The following STARD9 variants were observed in gnomAD, a reference collection of about 807,000 sequenced individuals.
The protein encoded by STARD9 is stAR-related lipid transfer protein 9.
STARD9 carries 346 observed loss-of-function variants against 399.8 expected under a neutral mutation model. The ratio of observed to expected loss-of-function variants is 0.87; its 90% CI spans 0.79 to 0.95. The LOEUF is 0.95. Among genes scored for constraint, STARD9 ranks in the 40% least tolerant of loss-of-function variants. The pLI, the probability that STARD9 is intolerant of heterozygous loss-of-function variation, is 0.00. For synonymous variants in STARD9, 2,203 were observed against 2,143.5 expected, an observed-to-expected ratio of 1.03 and a Z score of -0.77; for missense variants, 5,832 against 5,667.5, an observed-to-expected ratio of 1.03 and a Z score of -0.93.
intron 7 of STARD9, among the ~76,000 whole-genome samples, chr15:42,646,015 G>A (rs927386920): frequency 1.3e-5 from 2 of 152,030 alleles, no homozygotes; most frequent in East Asian, 3.9e-4. Flanking sequence ...ACAAAAATTA[G>A]CCAGACGTGG....
At chr15:42,650,109 C>T (rs868334283) in intron 7 of STARD9, among the ~76,000 whole-genome samples, 3 of 151,874 alleles carry the variant, frequency 2.0e-5, no homozygotes, top group Admixed American at 6.6e-5. Flanking sequence ...CAGGCCCGCC[C>T]GCCTCGGCCT....
At chr15:42,708,243 A>G (rs545271737) in intron 26 of STARD9, among the ~76,000 whole-genome samples, 2 of 152,256 alleles carry the variant, frequency 1.3e-5, no homozygotes, top group African/African-American at 4.8e-5. Context: ...GTAGGGGATT[A>G]GTTATTTGAA....
rs1380280537 is a variant in STARD9, at chr15:42,720,170, C to G, written c.*596C>G. 1 of 152,308 alleles carries G rather than the reference C, an allele frequency of 6.6e-6. No individual in the cohort carries two copies. Among genetic ancestry groups the G allele is most frequent in the African/African-American group, 2.4e-5 (1 of 41,450 alleles). 9.4% of individuals were successfully genotyped at this position (152,308 alleles called of 1,614,324 possible). The stretch of plus-strand genomic sequence containing the variant: ...TATTATTGATTTTTGCTTTTTTTCT[C>G]CCTTTCCCTCCCAGGAGAAGACATT... On this transcript the variant is annotated 3_prime_UTR_variant, in exon 33 of 33. Coordinates refer to ENST00000290607, the MANE Select transcript of STARD9 (RefSeq NM_020759.3).
At position 42,694,169 on chromosome 15, in the gene STARD9, C is replaced by A. The variant is rs568079907; in HGVS notation, c.12591C>A (p.Ile4197=). The part of the protein sequence containing the change: ...QDSEWSKREQ[I]PLQVGAQNLS... Reference sequence around the variant, plus strand: ...CTGAGTGGTCCAAGAGGGAGCAGATCCCCCTGCAAGTTGGGGCCCAGAACC... The same window carrying A: ...CTGAGTGGTCCAAGAGGGAGCAGATACCCCTGCAAGTTGGGGCCCAGAACC... The change falls in exon 23 of 33, where the codon ATC becomes ATA. Residue 4197 remains isoleucine (I), a synonymous_variant. Transcript: ENST00000290607. The A allele has an allele frequency of 5.1e-5, 79 of 1,534,596 alleles. No individual in the cohort carries two copies. The highest frequency in any genetic ancestry group is 9.6e-5 in the African/African-American group (7 of 72,952).
chr15:42,583,361 G>A lies in STARD9; in HGVS notation c.63G>A (p.Gly21=). 6.5e-7 allele frequency: 1 copy of A among 1,536,964 alleles called. No individual in the cohort carries two copies. The highest frequency in any genetic ancestry group is 8.7e-7 in the Non-Finnish European group (1 of 1,146,618). Residue 21 remains glycine, a synonymous_variant, in exon 2 of 33, where the codon GGG becomes GGA. Transcript: ENST00000290607. ...RPLSKRETKE[G]GRIIVEVDGK... is the part of the protein sequence containing the mutation. ...TTGTTTCTAGGGAGACCAAAGAAGG[G>A]GGAAGAATTATTGTGGAAGTTGATG... is the stretch of plus-strand genomic sequence containing the variant.
chr15:42,700,261 T>G (rs1207447783), intron 26 of STARD9, among the ~76,000 whole-genome samples: 1 of 151,768 alleles, frequency 6.6e-6, no homozygotes, highest in Non-Finnish European at 1.5e-5. Context: ...GATATCTCTT[T>G]GACATACTGA....
intron 7 of STARD9, among the ~76,000 whole-genome samples, chr15:42,648,118 G>A (rs1376907217): frequency 6.6e-6 from 1 of 152,012 alleles, no homozygotes; most frequent in Non-Finnish European, 1.5e-5. Context: ...GAATAATCTT[G>A]TTTTCCCTCT....
rs2060595109 is a variant in STARD9 at position 42,687,682 on chromosome 15, A to G, written c.6104A>G (p.Lys2035Arg). Residue 2035 changes from lysine to arginine, a missense_variant, in exon 23 of 33, where the codon AAG (lysine) becomes AGG (arginine). Coordinates refer to ENST00000290607, the MANE Select transcript of STARD9 (RefSeq NM_020759.3). ...AATCCCAACAGAGAACCTTCTGGAA[A>G]GAAACAGAATAAAAGAGTTAATAAT... is the stretch of plus-strand genomic sequence containing the variant. ...MLNPNREPSG[K>R]KQNKRVNNTD... 1 of 1,537,228 alleles carries G rather than the reference A, an allele frequency of 6.5e-7. No homozygotes were observed.
Position 42,687,282 on chromosome 15 carries a change from A to G in STARD9, c.5704A>G (p.Thr1902Ala), listed in dbSNP as rs1393037136. 4.6e-6 allele frequency: 7 copies of G among 1,536,872 alleles called. No individual in the cohort carries two copies. The change falls in exon 23 of 33, where the codon ACT (threonine) becomes GCT (alanine). Residue 1902 changes from threonine to alanine, a missense_variant. Thr to Ala is a moderately conservative substitution (Grantham distance 58). Transcript: ENST00000290607. The part of the protein sequence containing the change: ...QSCCGASSDS[T>A]ESGKSLLFRE... ...CTGTTGCGGTGCTTCCTCAGACAGC[A>G]CTGAGTCTGGGAAGTCTCTCCTCTT...
chr15:42,699,820 C>T (rs865922497), intron 26 of STARD9, among the ~76,000 whole-genome samples: 1 of 152,092 alleles, frequency 6.6e-6, no homozygotes, highest in African/African-American at 2.4e-5. Flanking sequence ...GATTCTCATG[C>T]CTCAGCTTCC....
intron 26 of STARD9, among the ~76,000 whole-genome samples, chr15:42,716,338 G>A (rs2061349318): frequency 6.6e-6 from 1 of 152,058 alleles, no homozygotes; most frequent in Admixed American, 6.6e-5. Flanking sequence ...TGTTGCCCGG[G>A]TGGTGCAGAG....
chr15:42,668,793 G>T lies in STARD9; in HGVS notation c.1318-365G>T, dbSNP rs188615523. On this transcript the variant is annotated intron_variant, in intron 15 of 32. Coordinates refer to ENST00000290607, the MANE Select transcript of STARD9 (RefSeq NM_020759.3). ...CAAGTATGGATCATGTAAAACTGGGGTGGGGAAAGGGAAATTATAAACATA... is the reference window on the plus strand; with the variant it reads ...CAAGTATGGATCATGTAAAACTGGGTTGGGGAAAGGGAAATTATAAACATA... Among the ~76,000 whole-genome samples, 391 of 152,264 alleles carry T rather than the reference G, an allele frequency of 2.6e-3. 12 individuals are homozygous for T. The highest frequency in any genetic ancestry group is 4.9e-4 in the Non-Finnish European group (33 of 68,036).
intron 3 of STARD9, among the ~76,000 whole-genome samples, chr15:42,621,080 T>G (rs2059083290): frequency 6.6e-6 from 1 of 152,308 alleles, no homozygotes; most frequent in South Asian, 2.1e-4. Flanking sequence ...GATTGTCCAG[T>G]GTCTCCTCAT....
At chr15:42,635,286 A>C (rs527305299) in intron 4 of STARD9, among the ~76,000 whole-genome samples, 3 of 151,866 alleles carry the variant, frequency 2.0e-5, no homozygotes, top group Admixed American at 2.0e-4. Flanking sequence ...TGAGTTTTTC[A>C]GCATTTAATT....
intron 3 of STARD9, among the ~76,000 whole-genome samples, chr15:42,621,120 C>G (rs1026344727): frequency 3.3e-5 from 5 of 152,160 alleles, no homozygotes; most frequent in African/African-American, 1.2e-4. Flanking sequence ...ATCCTTGATA[C>G]CAGTATCACT....
rs531298455 is a variant in STARD9, at chr15:42,588,498, T to C, written c.234+2861T>C. Among the ~76,000 whole-genome samples the C allele has an allele frequency of 2.6e-5, 4 of 152,202 alleles. No individual in the cohort carries two copies. In the South Asian group the frequency reaches 6.2e-4, roughly 24 times the overall value. Reference sequence around the variant, plus strand: ...GTTTATTAATTGTCTGAGTCCCTCATTGGTCCCAGGAGGAGTTAGGATAGG... The same window carrying C: ...GTTTATTAATTGTCTGAGTCCCTCACTGGTCCCAGGAGGAGTTAGGATAGG... On this transcript the variant is annotated intron_variant, in intron 3 of 32. Transcript: ENST00000290607.
chr15:42,668,444 G>A (rs1426727566), intron 15 of STARD9, among the ~76,000 whole-genome samples: 2 of 150,532 alleles, frequency 1.3e-5, no homozygotes, highest in Admixed American at 1.3e-4. Flanking sequence ...CTTAGGCATC[G>A]GTTTCCACTA....
chr15:42,652,629 C>T (rs1280052437), intron 9 of STARD9, 37 bp downstream of exon 9: 1 of 1,492,336 alleles, frequency 6.7e-7, no homozygotes, highest in Non-Finnish European at 9.0e-7. Flanking sequence ...ATTTCTTCCT[C>T]TCCTTGTACC....
At chr15:42,668,391 T>TC (rs1451522056) in intron 15 of STARD9, among the ~76,000 whole-genome samples, 1 of 151,982 alleles carries the variant, frequency 6.6e-6, no homozygotes, top group East Asian at 1.9e-4. Flanking sequence ...TTTTTTTTTT[T>TC]CTGAGCTTCC....
Sources: gnomAD v4.1 joint callset for allele counts (sites outside exome capture counted in the v4.1 genomes callset) on GRCh38, gnomAD v4.1.1 for gene constraint, MANE v1.5 for transcripts, NCBI Gene and HGNC (gene_info 2026-07-23, HGNC 2026-07-21) for gene names.